The following PREX1 variants were observed in gnomAD, a reference collection of about 807,000 sequenced individuals.
PREX1 encodes phosphatidylinositol-3,4,5-trisphosphate dependent Rac exchange factor 1.
A neutral mutation model predicts 198.3 loss-of-function variants in PREX1; 41 were observed. That is an observed-to-expected ratio of 0.21 (90% CI 0.16 to 0.27). The LOEUF is 0.27. Ranked by LOEUF, PREX1 falls within the 10% of genes least tolerant of loss-of-function variation. The pLI, the probability that PREX1 is intolerant of heterozygous loss-of-function variation, is 1.00. For missense variants in PREX1, 1,620 were observed against 2,200.7 expected (o/e 0.74, Z 5.28); for synonymous variants, 843 against 887.2 (o/e 0.95, Z 0.89).
intron 14 of PREX1, among the ~76,000 whole-genome samples, chr20:48,671,988 G>A (rs948289138): frequency 1.3e-5 from 2 of 152,198 alleles, no homozygotes; most frequent in African/African-American, 4.8e-5. Flanking sequence ...CTGGGGTTGG[G>A]GGGCTCAGGA....
the PREX1 span, among the ~76,000 whole-genome samples, chr20:48,836,920 A>AG: frequency 8.6e-5 from 13 of 150,858 alleles, no homozygotes; most frequent in Non-Finnish European, 1.5e-4. Flanking sequence ...AAAAAAAAAA[A>AG]AAAAAAGAAC....
chr20:48,746,861 A>T (rs2090109906), intron 2 of PREX1, among the ~76,000 whole-genome samples: 1 of 152,074 alleles, frequency 6.6e-6, no homozygotes, highest in Non-Finnish European at 1.5e-5. Flanking sequence ...AGTGGAATAA[A>T]CAGGAGGTGC....
At chr20:48,841,696 C>T in the PREX1 span, among the ~76,000 whole-genome samples, 1 of 152,198 alleles carries the variant, frequency 6.6e-6, no homozygotes, top group Non-Finnish European at 1.5e-5. Context: ...CCAATCAGAA[C>T]CGCAGCCGGC....
At chr20:48,772,256 A>G (rs2090239687) in intron 1 of PREX1, among the ~76,000 whole-genome samples, 1 of 152,262 alleles carries the variant, frequency 6.6e-6, no homozygotes, top group Non-Finnish European at 1.5e-5. Context: ...GTGTCCAGCC[A>G]TATCACTGAG....
At chr20:48,852,275 C>G in the PREX1 span, among the ~76,000 whole-genome samples, 2 of 152,056 alleles carry the variant, frequency 1.3e-5, no homozygotes, top group Admixed American at 1.3e-4. Flanking sequence ...ATGACTCAAG[C>G]AGTATATAAA....
intron 1 of PREX1, among the ~76,000 whole-genome samples, chr20:48,797,834 G>A (rs568966693): frequency 1.3e-5 from 2 of 152,302 alleles, no homozygotes; most frequent in East Asian, 3.9e-4. Context: ...GAACACTGAG[G>A]CCCAGGAGAG....
At chr20:48,826,606 T>C (rs932316569) in intron 1 of PREX1, among the ~76,000 whole-genome samples, 6 of 152,268 alleles carry the variant, frequency 3.9e-5, no homozygotes, top group African/African-American at 9.6e-5. Context: ...CTGTAATCCC[T>C]GCACTTTGGA....
At chr20:48,815,329 A>G (rs2090454522) in intron 1 of PREX1, among the ~76,000 whole-genome samples, 1 of 152,230 alleles carries the variant, frequency 6.6e-6, no homozygotes, top group Non-Finnish European at 1.5e-5. Context: ...ACAGCAGAAG[A>G]CACATTCTTT....
the PREX1 span, among the ~76,000 whole-genome samples, chr20:48,865,037 G>GC: frequency 4.9e-5 from 6 of 122,792 alleles, no homozygotes; most frequent in Non-Finnish European, 1.2e-4. Flanking sequence ...AGGCAGGGTT[G>GC]GGGGGGGTCT....
Position 48,666,176 on chromosome 20 carries a change from G to A in PREX1, c.1738+107C>T, listed in dbSNP as rs2089639252. 6.9e-6 allele frequency: 8 copies of A among 1,160,286 alleles called. No individual in the cohort carries two copies. Among genetic ancestry groups the A allele is most frequent in the Non-Finnish European group, 9.8e-6 (8 of 813,932 alleles). The allele number at this position is 1,160,286 out of a possible 1,614,324, so 71.9% of individuals were successfully genotyped here. Reference sequence around the variant, plus strand: ...ATTCGTGAGCCTCCCCAAACCCCCGGGGGTCTAGAGAGCCACAGACCTGGC... The same window carrying A: ...ATTCGTGAGCCTCCCCAAACCCCCGAGGGTCTAGAGAGCCACAGACCTGGC... On this transcript the variant is annotated intron_variant, in intron 15 of 39. Transcript: ENST00000371941. The surrounding 1 kb of genome is among the most constrained non-coding windows in gnomAD (Gnocchi z 4.3).
intron 3 of PREX1, among the ~76,000 whole-genome samples, chr20:48,735,672 G>C (rs1436880313): frequency 6.6e-6 from 1 of 152,008 alleles, no homozygotes. Context: ...TCCTGGAATG[G>C]GGGTGAACTC....
intron 25 of PREX1, among the ~76,000 whole-genome samples, chr20:48,646,633 G>A (rs1023429870): frequency 6.8e-6 from 1 of 146,290 alleles, no homozygotes; most frequent in Non-Finnish European, 1.5e-5. Flanking sequence ...AGGTTGAAGT[G>A]AGCCAAGATC....
At chr20:48,715,576 T>C (rs1024939407) in intron 5 of PREX1, among the ~76,000 whole-genome samples, 4 of 152,118 alleles carry the variant, frequency 2.6e-5, no homozygotes, top group Non-Finnish European at 4.4e-5. Flanking sequence ...AGTGTGTGCA[T>C]CTGTGAAGGA....
At chr20:48,631,738 A>C (rs1036641860) in intron 35 of PREX1, among the ~76,000 whole-genome samples, 1 of 152,130 alleles carries the variant, frequency 6.6e-6, no homozygotes, top group South Asian at 2.1e-4. Flanking sequence ...ACACGCAGGA[A>C]GGGCTGTGGG....
In PREX1 at chr20:48,771,677, C is replaced by T. The variant is rs924172392; in HGVS notation, c.220-23797G>A. Among the ~76,000 whole-genome samples, 9 of 152,224 alleles carry T rather than the reference C, an allele frequency of 5.9e-5. No homozygotes were observed. In the South Asian group the frequency reaches 6.2e-4, roughly 11 times the overall value. On this transcript the variant is annotated intron_variant, in intron 1 of 39. Transcript: ENST00000371941. ...CAACAAAAGTTCAAGCCTTATCAGC[C>T]GTGCAGCCCCATCACCATGCGGAGG...
chr20:48,856,007 C>T, the PREX1 span, among the ~76,000 whole-genome samples: 2 of 152,124 alleles, frequency 1.3e-5, no homozygotes, highest in Non-Finnish European at 2.9e-5. Context: ...GACGAGGGAG[C>T]GGCTGTTATT....
intron 1 of PREX1, among the ~76,000 whole-genome samples, chr20:48,813,889 G>A (rs1006322046): frequency 3.3e-5 from 5 of 152,188 alleles, no homozygotes; most frequent in African/African-American, 1.2e-4. Flanking sequence ...ACAGACATAA[G>A]GGAATGTGCT....
chr20:48,685,343 C>T (rs1043445245), intron 10 of PREX1, among the ~76,000 whole-genome samples: 1 of 152,236 alleles, frequency 6.6e-6, no homozygotes. Context: ...AATGTGGCAT[C>T]TAAGAGATTT....
In PREX1 at chr20:48,666,142, G is replaced by A. The variant is rs1649885772; in HGVS notation, c.1738+141C>T. The A allele has an allele frequency of 1.3e-6, 1 of 759,190 alleles. No individual in the cohort carries two copies. Among genetic ancestry groups the A allele is most frequent in the Non-Finnish European group, 2.1e-6 (1 of 466,354 alleles). The allele number at this position is 759,190 out of a possible 1,614,324, so 47.0% of individuals were successfully genotyped here. A position where few individuals can be genotyped will look rare whatever the true frequency, so the allele number is the denominator to read the frequency against. On this transcript the variant is annotated intron_variant, in intron 15 of 39. Transcript: ENST00000371941. The surrounding 1 kb of genome is among the most constrained non-coding windows in gnomAD (Gnocchi z 4.3). The stretch of plus-strand genomic sequence containing the variant: ...GATCGGTTCAGAACGGGAAGGGGAG[G>A]GAGGTGGGATTCGTGAGCCTCCCCA...
Sources: gnomAD v4.1 joint callset for allele counts (sites outside exome capture counted in the v4.1 genomes callset) on GRCh38, gnomAD v4.1.1 for gene constraint, Gnocchi (gnomAD v3.1) non-coding constraint, MANE v1.5 for transcripts, NCBI Gene and HGNC (gene_info 2026-07-23, HGNC 2026-07-21) for gene names.